The following LETM2 variants were observed in gnomAD, a reference collection of about 807,000 sequenced individuals.
LETM2 encodes leucine zipper and EF-hand containing transmembrane protein 2.
Under a neutral mutation model 59.6 loss-of-function variants are expected in LETM2, and 58 were observed. The ratio of observed to expected loss-of-function variants is 0.97; its 90% confidence interval spans 0.79 to 1.21. The LOEUF (loss-of-function observed/expected upper bound fraction) is 1.21, where lower values mean the gene tolerates loss of function less well. LETM2 is among the 50% of genes most tolerant of loss of function. The probability of loss-of-function intolerance (pLI) is 0.00; values close to 1 mark genes in which losing one functional copy is unlikely to be tolerated. For synonymous variants in LETM2, 199 were observed against 214.1 expected (o/e 0.93, Z 0.62); for missense variants, 572 against 575.7 (o/e 0.99, Z 0.07).
At chr8:38,397,002 C>T (rs888185055) in intron 4 of LETM2, 6 of 421,514 alleles carry the variant, frequency 1.4e-5, no homozygotes, top group Admixed American at 8.9e-5. Flanking sequence ...GCCCAACAGA[C>T]AGTTCAGCAG....
rs117362555 is a variant in LETM2, at chr8:38,402,384, T to A, written c.985-141T>A. 935 of 810,722 alleles carry A rather than the reference T, an allele frequency of 1.2e-3. 10 individuals carry two copies. In the East Asian group the frequency reaches 0.022, roughly 19 times the overall value. 50.2% of individuals were successfully genotyped at this position (810,722 alleles called of 1,614,324 possible). ...CCCATTATTTCAACTGCCACCTCCC[T>A]ACGTCGCCTTTGCAGTAGCAGCCAG... is the stretch of plus-strand genomic sequence containing the variant. On this transcript the variant is annotated intron_variant, in intron 6 of 10. Transcript: ENST00000379957.
intron 8 of LETM2, chr8:38,404,789 G>A (rs1348658459): frequency 6.5e-6 from 2 of 307,656 alleles, no homozygotes; most frequent in Non-Finnish European, 1.2e-5. Flanking sequence ...AAACTAGCCT[G>A]ACCAACATGG....
rs1258665185 is a variant in LETM2 at position 38,407,386 on chromosome 8, C to A, written c.1336C>A (p.Pro446Thr). Residue 446 changes from proline to threonine, a missense_variant, in exon 10 of 11, where the codon CCA becomes ACA. Physicochemically the swap from Pro to Thr is conservative, Grantham distance 38. Coordinates refer to ENST00000379957, the MANE Select transcript of LETM2 (RefSeq NM_001286819.2). Reference sequence around the variant, plus strand: ...GGATGAAGACTTTATACAGCCGCCACCAGTTACATCATCACCCATAACACC... The same window carrying A: ...GGATGAAGACTTTATACAGCCGCCAACAGTTACATCATCACCCATAACACC... ...TKDEDFIQPP[P>T]VTSSPITPST... 1 of 1,613,178 alleles carries A rather than the reference C, an allele frequency of 6.2e-7. No homozygotes were observed. Among genetic ancestry groups the A allele is most frequent in the Admixed American group, 1.7e-5 (1 of 60,024 alleles).
chr8:38,407,848 T>C (rs1227313692), intron 10 of LETM2, among the ~76,000 whole-genome samples: 1 of 152,204 alleles, frequency 6.6e-6, no homozygotes, highest in South Asian at 2.1e-4. Context: ...ACTACTTATC[T>C]ATCATCCAGT....
chr8:38,391,169 C>A (rs1812210012), intron 2 of LETM2, among the ~76,000 whole-genome samples: 1 of 129,890 alleles, frequency 7.7e-6, no homozygotes. Context: ...CAGAGTGAGA[C>A]TCCTCCTGTC....
rs1813909700 is a variant in LETM2 at position 38,408,355 on chromosome 8, ACTGT to A, written c.*85_*88del. The stretch of plus-strand genomic sequence containing the variant: ...ATCTGTAAAGGACCTCCCAGATAAG[ACTGT>A]CTGGCTTCAGAGAGCGGATCAGCTG... On this transcript the variant is annotated 3_prime_UTR_variant, in exon 11 of 11. Transcript: ENST00000379957. 1.7e-5 allele frequency: 21 copies of A among 1,213,504 alleles called. No homozygotes were observed. Among genetic ancestry groups the A allele is most frequent in the Admixed American group, 5.9e-5 (3 of 50,840 alleles). 75.2% of individuals were successfully genotyped at this position (1,213,504 alleles called of 1,614,324 possible).
At chr8:38,396,250 A>G (rs1394938498) in intron 4 of LETM2, among the ~76,000 whole-genome samples, 1 of 149,030 alleles carries the variant, frequency 6.7e-6, no homozygotes, top group African/African-American at 2.5e-5. Flanking sequence ...TGCAACCTCC[A>G]CCTCCCAGGT....
rs561297015 is a variant in LETM2 at position 38,397,906 on chromosome 8, G to A, written c.646-2366G>A. On this transcript the variant is annotated intron_variant, in intron 4 of 10. Coordinates refer to ENST00000379957, the MANE Select transcript of LETM2 (RefSeq NM_001286819.2). ...TGTAATCCCAGCACTTTGGGAGGCC[G>A]AGGTGGGTGGGTCACTTGAGGTCAG... Among the ~76,000 whole-genome samples, 19 of 152,194 alleles carry A rather than the reference G, an allele frequency of 1.2e-4. No individual in the cohort carries two copies. The South Asian group carries it at 2.9e-3, about 23-fold the overall frequency.
intron 2 of LETM2, among the ~76,000 whole-genome samples, chr8:38,390,623 G>GGA (rs1563382852): frequency 2.2e-5 from 1 of 44,868 alleles, no homozygotes; most frequent in Non-Finnish European, 4.3e-5. Flanking sequence ...CTCTGTCTCA[G>GGA]AAAAAAAAAA....
At chr8:38,398,811 C>G (rs572683369) in intron 4 of LETM2, among the ~76,000 whole-genome samples, 63 of 151,616 alleles carry the variant, frequency 4.2e-4, no homozygotes, top group African/African-American at 1.2e-3. Flanking sequence ...CATCCTCCCC[C>G]CAGGTTCAAG....
upstream of LETM2, among the ~76,000 whole-genome samples, chr8:38,384,483 C>T (rs1465424538): frequency 2.0e-5 from 3 of 152,086 alleles, no homozygotes; most frequent in Admixed American, 6.6e-5. Context: ...GCTTACTGTT[C>T]GCCATAGAAA....
intron 4 of LETM2, among the ~76,000 whole-genome samples, chr8:38,396,580 A>G (rs2150427365): frequency 6.6e-6 from 1 of 152,204 alleles, no homozygotes; most frequent in East Asian, 1.9e-4. Context: ...CTTCTCCACT[A>G]AATTCTAACT....
chr8:38,394,462 G>T, intron 4 of LETM2: 1 of 382,238 alleles, frequency 2.6e-6, no homozygotes, highest in Non-Finnish European at 4.6e-6. Context: ...CACTCTTCAT[G>T]TTGAAGCATT....
At chr8:38,390,079 G>A (rs1262981446) in intron 2 of LETM2, among the ~76,000 whole-genome samples, 2 of 151,848 alleles carry the variant, frequency 1.3e-5, no homozygotes, top group African/African-American at 4.8e-5. Context: ...AAACTAGCTG[G>A]GCGTGGTGGT....
At chr8:38,385,758 CTG>C (rs1811747852), upstream of LETM2, among the ~76,000 whole-genome samples, 1 of 152,136 alleles carries the variant, frequency 6.6e-6, no homozygotes, top group South Asian at 2.1e-4. Flanking sequence ...GAAAAGATAA[CTG>C]GGGAATGAGA....
intron 2 of LETM2, among the ~76,000 whole-genome samples, chr8:38,391,953 A>G (rs1425009017): frequency 1.3e-5 from 2 of 152,102 alleles, no homozygotes; most frequent in African/African-American, 4.8e-5. Flanking sequence ...TGGCCTCGCA[A>G]AGCGCTGGGA....
At position 38,404,406 on chromosome 8, in the gene LETM2, A is replaced by T; in HGVS notation, c.1118A>T (p.His373Leu). 1 of 1,612,498 alleles carries T rather than the reference A, an allele frequency of 6.2e-7. No homozygotes were observed. The highest frequency in any genetic ancestry group is 8.5e-7 in the Non-Finnish European group (1 of 1,178,608). The change falls in exon 8 of 11, where the codon CAC becomes CTC. Residue 373 changes from histidine to leucine, a missense_variant. Coordinates refer to ENST00000379957, the MANE Select transcript of LETM2 (RefSeq NM_001286819.2). Reference sequence around the variant, plus strand: ...CCCGTTCTCCAGTGGCAGGACCTCCACCTGAAGGAGAACGTCCCTCCTTCC... The same window carrying T: ...CCCGTTCTCCAGTGGCAGGACCTCCTCCTGAAGGAGAACGTCCCTCCTTCC... ...RQQLTEWQDLHLKENVPPSLL... is the reference protein window; with the variant it reads ...RQQLTEWQDLLLKENVPPSLL...
In LETM2 at chr8:38,404,398, G is replaced by A; in HGVS notation, c.1110G>A (p.Gln370=). The A allele has an allele frequency of 3.1e-6, 5 of 1,610,560 alleles. No individual in the cohort carries two copies. The highest frequency in any genetic ancestry group is 4.2e-6 in the Non-Finnish European group (5 of 1,176,824). ...GTTCCCCTCCCGTTCTCCAGTGGCA[G>A]GACCTCCACCTGAAGGAGAACGTCC... ...EQLRQQLTEW[Q]DLHLKENVPP... is the part of the protein sequence containing the mutation. The change falls in exon 8 of 11, where the codon CAG becomes CAA. Residue 370 remains glutamine (Q), a synonymous_variant. Coordinates refer to ENST00000379957, the MANE Select transcript of LETM2 (RefSeq NM_001286819.2).
chr8:38,393,970 CAT>C, intron 3 of LETM2, 126 bp from the exon 4 acceptor site: 1 of 748,526 alleles, frequency 1.3e-6, no homozygotes, highest in Non-Finnish European at 2.0e-6. Context: ...GACTGGGCAA[CAT>C]AGTGAGACAC....
Sources: gnomAD v4.1 joint callset for allele counts (sites outside exome capture counted in the v4.1 genomes callset) on GRCh38, gnomAD v4.1.1 for gene constraint, MANE v1.5 for transcripts, NCBI Gene and HGNC (gene_info 2026-07-23, HGNC 2026-07-21) for gene names.